The following TEF variants were observed in gnomAD, a reference collection of about 807,000 sequenced individuals.
The protein encoded by TEF is TEF transcription factor, PAR bZIP family member.
In TEF, 3 loss-of-function variants were observed where a neutral mutation model predicts 20.8. The observed-to-expected ratio is 0.14, with a 90% CI of 0.07 to 0.37. The LOEUF is 0.37. TEF is among the 10% of genes least tolerant of loss of function. The pLI, the probability that TEF is intolerant of heterozygous loss-of-function variation, is 1.00. For missense variants in TEF, 296 were observed against 397.9 expected (o/e 0.74, Z 2.18); for synonymous variants, 180 against 171.1 (o/e 1.05, Z -0.41).
intron 1 of TEF, chr22:41,368,996 A>G (rs2036850595): frequency 4.3e-6 from 4 of 939,560 alleles, no homozygotes; most frequent in Non-Finnish European, 5.1e-6. Flanking sequence ...CACATTTCCA[A>G]AAGCTAAGGT....
chr22:41,385,465 G>A (rs1261869491), intron 1 of TEF, among the ~76,000 whole-genome samples: 1 of 152,146 alleles, frequency 6.6e-6, no homozygotes, highest in Admixed American at 6.5e-5. Flanking sequence ...CATGGCTAAG[G>A]TCACACATCA....
intron 2 of TEF, 66 bp downstream of exon 2, chr22:41,387,734 C>G: frequency 6.7e-7 from 1 of 1,481,938 alleles, no homozygotes; most frequent in East Asian, 2.5e-5. Flanking sequence ...CCACTGAGGG[C>G]TGCTTGTGTC....
At chr22:41,383,267 T>G (rs975113023) in intron 1 of TEF, among the ~76,000 whole-genome samples, 11 of 152,140 alleles carry the variant, frequency 7.2e-5, no homozygotes, top group African/African-American at 2.7e-4. Flanking sequence ...ATAAATAGCT[T>G]CAGCACATCA....
At chr22:41,383,431 G>GTAA (rs1224187110) in intron 1 of TEF, among the ~76,000 whole-genome samples, 3 of 152,144 alleles carry the variant, frequency 2.0e-5, no homozygotes, top group African/African-American at 7.2e-5. Flanking sequence ...AAATTACCAG[G>GTAA]TAATAACCAT....
upstream of TEF, among the ~76,000 whole-genome samples, chr22:41,380,311 C>G (rs1395994633): frequency 6.6e-6 from 1 of 152,130 alleles, no homozygotes. Flanking sequence ...AGCCACCATG[C>G]CCGTCTAATT....
At chr22:41,393,403 C>G (rs1277134510) in intron 2 of TEF, among the ~76,000 whole-genome samples, 5 of 150,760 alleles carry the variant, frequency 3.3e-5, no homozygotes, top group East Asian at 2.0e-4. Flanking sequence ...CCTGGAGAGA[C>G]ACAGCTGTTT....
chr22:41,395,567 C>T (rs970724811), intron 3 of TEF, among the ~76,000 whole-genome samples, 178 bp from the exon 4 acceptor site: 1 of 152,070 alleles, frequency 6.6e-6, no homozygotes, highest in African/African-American at 2.4e-5. Context: ...TCTCGTCCTG[C>T]CCCCGAGGAA....
At position 41,372,422 on chromosome 22, in the gene TEF, G is replaced by A. The variant is rs577972329; in HGVS notation, c.67+4823G>A. ...TGTCTCCTGAGCGTGAGCCAGGACT[G>A]TATTGTGTGTGCCTATGTCACTATC... On this transcript the variant is annotated intron_variant, in intron 1 of 3. Transcript: ENST00000406644. Among the ~76,000 whole-genome samples, 384 of 152,340 alleles carry A rather than the reference G, an allele frequency of 2.5e-3. 1 individual carries two copies. The highest frequency in any genetic ancestry group is 8.8e-3 in the African/African-American group (364 of 41,590).
intron 2 of TEF, among the ~76,000 whole-genome samples, chr22:41,391,488 G>T (rs1422785322): frequency 6.6e-6 from 1 of 151,914 alleles, no homozygotes; most frequent in Non-Finnish European, 1.5e-5. Flanking sequence ...GCTACTTTTT[G>T]TATTTTTAGT....
intron 2 of TEF, among the ~76,000 whole-genome samples, chr22:41,388,985 A>G (rs1034161652): frequency 6.6e-6 from 1 of 152,190 alleles, no homozygotes; most frequent in Non-Finnish European, 1.5e-5. Context: ...AATTATAAGT[A>G]TTTCAATATG....
At chr22:41,377,700 A>C (rs2036960623), upstream of TEF, among the ~76,000 whole-genome samples, 1 of 152,216 alleles carries the variant, frequency 6.6e-6, no homozygotes, top group South Asian at 2.1e-4. Flanking sequence ...CTGGCAATTA[A>C]GCACGATAGA....
intron 1 of TEF, among the ~76,000 whole-genome samples, chr22:41,375,967 G>C (rs952795517): frequency 6.6e-6 from 1 of 152,090 alleles, no homozygotes; most frequent in Non-Finnish European, 1.5e-5. Context: ...GAGCTCAATG[G>C]AAGAAGCCTT....
In TEF at chr22:41,382,246, T is replaced by C. The variant is rs183445585; in HGVS notation, c.157+45T>C. 3,168 of 420,324 alleles carry C rather than the reference T, an allele frequency of 7.5e-3. 75 individuals carry two copies. The highest frequency in any genetic ancestry group is 0.074 in the African/African-American group (2,935 of 39,768). The allele number at this position is 420,324 out of a possible 1,614,324, so 26.0% of individuals were successfully genotyped here. A position where few individuals can be genotyped will look rare whatever the true frequency, so the allele number is the denominator to read the frequency against. The stretch of plus-strand genomic sequence containing the variant: ...CCGCGCGGGCTGGGGGCGGGGCTTA[T>C]ACAGGGGCGGGGCCTCGTGAGGGCG... On this transcript the variant is annotated intron_variant, in intron 1 of 3. Transcript: ENST00000266304.
chr22:41,381,222 C>T (rs2037013774), upstream of TEF, among the ~76,000 whole-genome samples: 6 of 152,336 alleles, frequency 3.9e-5, no homozygotes, highest in Admixed American at 2.6e-4. Flanking sequence ...CGCGTGGGAG[C>T]AGAAGTGCGG....
chr22:41,376,751 C>G (rs2036947081), intron 1 of TEF, among the ~76,000 whole-genome samples: 1 of 152,290 alleles, frequency 6.6e-6, no homozygotes, highest in African/African-American at 2.4e-5. Context: ...GGGTACCCAC[C>G]CACTCCACAC....
intron 1 of TEF, among the ~76,000 whole-genome samples, chr22:41,368,071 T>C (rs892961078): frequency 6.6e-6 from 1 of 151,962 alleles, no homozygotes; most frequent in African/African-American, 2.4e-5. Flanking sequence ...ATGGATGGGA[T>C]GGAAACTGTT....
chr22:41,368,952 C>T, intron 1 of TEF: 4 of 606,040 alleles, frequency 6.6e-6, no homozygotes, highest in Non-Finnish European at 8.3e-6. Context: ...TTTTTGGCAT[C>T]TCTGAGTGGC....
intron 2 of TEF, among the ~76,000 whole-genome samples, chr22:41,390,886 C>A (rs1601823861): frequency 6.6e-6 from 1 of 152,228 alleles, no homozygotes; most frequent in South Asian, 2.1e-4. Context: ...TGCAAATTTT[C>A]CCCTTTTGTT....
intron 1 of TEF, among the ~76,000 whole-genome samples, chr22:41,387,086 T>C (rs1269178649): frequency 2.6e-5 from 4 of 152,110 alleles, no homozygotes; most frequent in Admixed American, 2.0e-4. Context: ...GAATTAACCC[T>C]ATGACCGCTT....
Sources: allele counts gnomAD v4.1 joint callset (sites outside exome capture counted in the v4.1 genomes callset), GRCh38; gene constraint gnomAD v4.1.1; transcripts MANE v1.5; gene names NCBI Gene and HGNC (gene_info 2026-07-23, HGNC 2026-07-21).